Variants in CDH4 observed in about 807,000 individuals in gnomAD.
CDH4 encodes the protein cadherin-4.
In CDH4, 33 loss-of-function variants were observed where a neutral mutation model predicts 86.0. The ratio of observed to expected loss-of-function variants is 0.38; its 90% CI spans 0.29 to 0.51. The LOEUF is 0.51. Ranked by LOEUF, CDH4 falls within the 20% of genes least tolerant of loss-of-function variation. CDH4 has a pLI of 0.86. For missense variants in CDH4, 1,114 were observed against 1,307.4 expected (o/e 0.85, Z 2.28); for synonymous variants, 555 against 549.4 (o/e 1.01, Z -0.14).
intron 4 of CDH4, among the ~76,000 whole-genome samples, chr20:61,832,131 A>T (rs1330524971): frequency 1.3e-5 from 2 of 152,220 alleles, no homozygotes; most frequent in African/African-American, 4.8e-5. Context: ...AGAGCCAATG[A>T]GTGTCTGCCC....
chr20:61,627,754 G>A (rs1054309323), intron 2 of CDH4, among the ~76,000 whole-genome samples: 2 of 152,016 alleles, frequency 1.3e-5, no homozygotes, highest in Admixed American at 1.3e-4. Context: ...TGTCCAGACG[G>A]CCTGGTGCAG....
rs369176619 is a variant in CDH4, at chr20:61,520,682, CCTT to C, written c.170-222875_170-222873del. 3.1e-3 allele frequency among the ~76,000 whole-genome samples: 465 copies of C among 152,200 alleles called. 3 individuals carry two copies. Among genetic ancestry groups the C allele is most frequent in the African/African-American group, 0.011 (445 of 41,448 alleles). On this transcript the variant is annotated intron_variant, in intron 2 of 15. Coordinates refer to ENST00000614565, the MANE Select transcript of CDH4 (RefSeq NM_001794.5). ...TCAGTGACGGTGATGCGGGTCTTTT[CCTT>C]CTTCTGAGCATCGGGAGGGAAGCGG...
intron 2 of CDH4, among the ~76,000 whole-genome samples, chr20:61,580,253 G>A (rs906370672): frequency 4.6e-5 from 7 of 152,188 alleles, no homozygotes; most frequent in Admixed American, 1.3e-4. Context: ...TCATGAGTTC[G>A]AGACCAGCCT....
chr20:61,932,501 C>T (rs1056932527), intron 13 of CDH4, among the ~76,000 whole-genome samples: 2 of 152,120 alleles, frequency 1.3e-5, no homozygotes, highest in Non-Finnish European at 2.9e-5. Context: ...CACAGACACA[C>T]GAAGTACACA....
At chr20:61,547,987 G>A (rs1008175339) in intron 2 of CDH4, among the ~76,000 whole-genome samples, 2 of 152,188 alleles carry the variant, frequency 1.3e-5, no homozygotes, top group African/African-American at 4.8e-5. Flanking sequence ...TTGGCCTTGA[G>A]GGGAGGGGGA....
At chr20:61,594,257 G>A (rs570045341) in intron 2 of CDH4, among the ~76,000 whole-genome samples, 2 of 127,584 alleles carry the variant, frequency 1.6e-5, no homozygotes, top group Non-Finnish European at 3.4e-5. Context: ...GGAAGAGGGT[G>A]GGGGGGAAGA....
intron 2 of CDH4, among the ~76,000 whole-genome samples, chr20:61,277,553 G>A (rs904980290): frequency 5.9e-5 from 9 of 152,222 alleles, no homozygotes; most frequent in Non-Finnish European, 1.3e-4. Flanking sequence ...GGCAGTGGTG[G>A]AAGGCTGGAA....
chr20:61,351,803 G>A (rs552015780), intron 2 of CDH4, among the ~76,000 whole-genome samples: 15 of 151,254 alleles, frequency 9.9e-5, no homozygotes, highest in South Asian at 2.1e-4. Context: ...TGCAACCTCC[G>A]CCTCCCAGGT....
At chr20:61,317,462 G>A (rs955649687) in intron 2 of CDH4, among the ~76,000 whole-genome samples, 2 of 151,932 alleles carry the variant, frequency 1.3e-5, no homozygotes, top group Non-Finnish European at 2.9e-5. Context: ...CCCCACCCTC[G>A]TGACCTGATT....
chr20:61,355,495 C>T (rs2084743670), intron 2 of CDH4, among the ~76,000 whole-genome samples: 2 of 152,164 alleles, frequency 1.3e-5, no homozygotes, highest in South Asian at 4.1e-4. Context: ...AGCAAAAGAC[C>T]ACGTGCCTCA....
At chr20:61,730,619 C>T (rs1017936973) in intron 2 of CDH4, among the ~76,000 whole-genome samples, 12 of 152,214 alleles carry the variant, frequency 7.9e-5, no homozygotes, top group African/African-American at 2.7e-4. Context: ...AAGGCAGGCC[C>T]AGCGCCTGCC....
chr20:61,321,945 TATATA>T (rs1275446762), intron 2 of CDH4, among the ~76,000 whole-genome samples: 2 of 151,218 alleles, frequency 1.3e-5, no homozygotes, highest in Admixed American at 6.6e-5. Flanking sequence ...TAATAAATAT[TATATA>T]ATAATATAAC....
chr20:61,883,148 C>A (rs1256254252), intron 7 of CDH4, among the ~76,000 whole-genome samples: 1 of 148,696 alleles, frequency 6.7e-6, no homozygotes, highest in African/African-American at 2.5e-5. Context: ...CTGCTCCCCC[C>A]GCCTACAGCA....
At chr20:61,819,096 G>T (rs866955187) in intron 4 of CDH4, among the ~76,000 whole-genome samples, 17 of 152,190 alleles carry the variant, frequency 1.1e-4, no homozygotes, top group African/African-American at 4.1e-4. Flanking sequence ...ATGGGCTTTT[G>T]GGCTCACTGC....
At position 61,896,372 on chromosome 20, in the gene CDH4, T is replaced by G. The variant is rs542208620; in HGVS notation, c.1188+1325T>G. Among the ~76,000 whole-genome samples the G allele has an allele frequency of 7.4e-4, 112 of 152,342 alleles. 4 individuals carry two copies. In the South Asian group the frequency reaches 0.023, roughly 31 times the overall value. ...CCCTCGCCACAGCGGCCGTCCCGCA[T>G]CTGGGCCTCCTGCGTCCTGCATCCC... On this transcript the variant is annotated intron_variant, in intron 8 of 15. Coordinates refer to ENST00000614565, the MANE Select transcript of CDH4 (RefSeq NM_001794.5).
At position 61,679,021 on chromosome 20, in the gene CDH4, G is replaced by A. The variant is rs372298241; in HGVS notation, c.170-64542G>A. ...TCTTTTTGCCCTGTGGATTTCACACGTGTCTCTGAAGGTTGCCTAGGGTTC... is the reference window on the plus strand; with the variant it reads ...TCTTTTTGCCCTGTGGATTTCACACATGTCTCTGAAGGTTGCCTAGGGTTC... On this transcript the variant is annotated intron_variant, in intron 2 of 15. Coordinates refer to ENST00000614565, the MANE Select transcript of CDH4 (RefSeq NM_001794.5). Among the ~76,000 whole-genome samples, 263 of 152,298 alleles carry A rather than the reference G, an allele frequency of 1.7e-3. 2 individuals carry two copies. The highest frequency in any genetic ancestry group is 6.8e-3 in the Middle Eastern group (2 of 294).
rs2087799843 is a variant in CDH4, at chr20:61,703,630, G to A, written c.170-39933G>A. ...GTGCCTGGATGAATCTGCAAAGAGAGCGGGGATCTGATGTGTGCAGCCATC... is the reference window on the plus strand; with the variant it reads ...GTGCCTGGATGAATCTGCAAAGAGAACGGGGATCTGATGTGTGCAGCCATC... On this transcript the variant is annotated intron_variant, in intron 2 of 15. Coordinates refer to ENST00000614565, the MANE Select transcript of CDH4 (RefSeq NM_001794.5). The surrounding 1 kb of genome is among the most constrained non-coding windows in gnomAD (Gnocchi z 4.3). 2.0e-5 allele frequency among the ~76,000 whole-genome samples: 3 copies of A among 152,162 alleles called. No homozygotes were observed. Among genetic ancestry groups the A allele is most frequent in the South Asian group, 4.1e-4 (2 of 4,828 alleles).
At chr20:61,664,315 A>C (rs2087298163) in intron 2 of CDH4, among the ~76,000 whole-genome samples, 2 of 152,050 alleles carry the variant, frequency 1.3e-5, no homozygotes, top group African/African-American at 2.4e-5. Context: ...CCCCTTGTTT[A>C]TTCCTGTTGC....
At position 61,684,694 on chromosome 20, in the gene CDH4, T is replaced by G. The variant is rs1600871540; in HGVS notation, c.170-58869T>G. Among the ~76,000 whole-genome samples the G allele has an allele frequency of 6.6e-6, 1 of 152,116 alleles. No individual in the cohort carries two copies. The highest frequency in any genetic ancestry group is 2.1e-4 in the South Asian group (1 of 4,826). ...AGTCTTACAAACCATCTTAGCGTTTTTGTGCAAACAGCTCCCAATCCTCGC... is the reference window on the plus strand; with the variant it reads ...AGTCTTACAAACCATCTTAGCGTTTGTGTGCAAACAGCTCCCAATCCTCGC... On this transcript the variant is annotated intron_variant, in intron 2 of 15. Transcript: ENST00000614565. This position sits in a 1 kb window ranked among gnomAD's most constrained non-coding sequence, Gnocchi z 4.5.
Sources: gnomAD v4.1 joint callset for allele counts (sites outside exome capture counted in the v4.1 genomes callset) on GRCh38, gnomAD v4.1.1 for gene constraint, Gnocchi (gnomAD v3.1) non-coding constraint, MANE v1.5 for transcripts, NCBI Gene and HGNC (gene_info 2026-07-23, HGNC 2026-07-21) for gene names.